The following KCNG4 variants were observed in gnomAD, a reference collection of about 807,000 sequenced individuals.
KCNG4 encodes voltage-gated potassium channel regulatory subunit KCNG4.
Under a neutral mutation model 28.2 loss-of-function variants are expected in KCNG4, and 30 were observed. That is an observed-to-expected ratio of 1.06 (90% CI 0.80 to 1.44). KCNG4 has a LOEUF of 1.44. Ranked by LOEUF, KCNG4 falls within the 40% of genes most tolerant of loss-of-function variation. The pLI is 0.00. For synonymous variants in KCNG4, 375 were observed against 315.5 expected, an observed-to-expected ratio of 1.19 and a Z score of -2.00; for missense variants, 879 against 712.3, an observed-to-expected ratio of 1.23 and a Z score of -2.66.
Position 84,222,129 on chromosome 16 carries a change from C to A in KCNG4, c.*88G>T. 1 of 1,347,450 alleles carries A rather than the reference C, an allele frequency of 7.4e-7. No homozygotes were observed. The allele number at this position is 1,347,450 out of a possible 1,614,324, so 83.5% of individuals were successfully genotyped here. A position where few individuals can be genotyped will look rare whatever the true frequency, so the allele number is the denominator to read the frequency against. On this transcript the variant is annotated 3_prime_UTR_variant, in exon 3 of 3. Transcript: ENST00000308251. ...AGTCTTCCCTGGGCTCTAGAAACAC[C>A]ACCAGGTGGTCTATGCGGGGTACCC...
chr16:84,237,236 G>A lies in KCNG4; in HGVS notation c.250C>T (p.Arg84Cys), dbSNP rs768004561. 22 of 1,613,926 alleles carry A rather than the reference G, an allele frequency of 1.4e-5. No homozygotes were observed. Among genetic ancestry groups the A allele is most frequent in the Non-Finnish European group, 1.4e-5 (16 of 1,180,016 alleles). The change falls in exon 2 of 3, where the codon CGC becomes TGC. Residue 84 changes from arginine (R) to cysteine (C), a missense_variant. By Grantham distance (180) the Arg-to-Cys change is radical. Transcript: ENST00000308251. Reference protein sequence around the residue: ...WSTLDRFPLSRLSKLRLCRSY... With the variant: ...WSTLDRFPLSCLSKLRLCRSY... ...CGACAGAGCCTGAGTTTGCTCAGGC[G>A]GCTCAGCGGGAACCGGTCCAGTGTG...
chr16:84,228,380 T>C (rs911361030), intron 2 of KCNG4, among the ~76,000 whole-genome samples: 4 of 151,146 alleles, frequency 2.6e-5, no homozygotes, highest in Admixed American at 6.6e-5. Context: ...CTGCTGTGAG[T>C]TCACCATTTG....
At chr16:84,231,281 G>A (rs1904821164) in intron 2 of KCNG4, among the ~76,000 whole-genome samples, 1 of 152,220 alleles carries the variant, frequency 6.6e-6, no homozygotes, top group Non-Finnish European at 1.5e-5. Context: ...GCCAGGGAGT[G>A]GGAGAGCTGG....
chr16:84,222,152 C>A lies in KCNG4; in HGVS notation c.*65G>T. The A allele has an allele frequency of 6.5e-7, 1 of 1,536,280 alleles. No homozygotes were observed. Among genetic ancestry groups the A allele is most frequent in the Admixed American group, 1.7e-5 (1 of 58,646 alleles). ...ACCACCAGGTGGTCTATGCGGGGTA[C>A]CCTTGAGTGTGTTTCAGGCAGGGTG... On this transcript the variant is annotated 3_prime_UTR_variant, in exon 3 of 3. Transcript: ENST00000308251.
At chr16:84,224,881 C>G (rs988209968) in intron 2 of KCNG4, among the ~76,000 whole-genome samples, 1 of 152,198 alleles carries the variant, frequency 6.6e-6, no homozygotes, top group Non-Finnish European at 1.5e-5. Context: ...TTCAAGCCCC[C>G]CAGAAACCAT....
Position 84,221,749 on chromosome 16 carries a change from G to A in KCNG4, c.*468C>T, listed in dbSNP as rs1483627418. 1 of 162,582 alleles carries A rather than the reference G, an allele frequency of 6.2e-6. No homozygotes were observed. The highest frequency in any genetic ancestry group is 1.4e-5 in the Non-Finnish European group (1 of 73,864). The allele number at this position is 162,582 out of a possible 1,614,324, so 10.1% of individuals were successfully genotyped here. A position where few individuals can be genotyped will look rare whatever the true frequency, so the allele number is the denominator to read the frequency against. On this transcript the variant is annotated 3_prime_UTR_variant, in exon 3 of 3. Coordinates refer to ENST00000308251, the MANE Select transcript of KCNG4 (RefSeq NM_172347.3). ...AACCCGTGGAAAGGTTGGGTGGGGA[G>A]ATCTGATTAGAGGGGTTTGCAGTGA...
intron 2 of KCNG4, chr16:84,236,267 T>C (rs1411962598): frequency 5.8e-6 from 1 of 173,556 alleles, no homozygotes; most frequent in African/African-American, 2.4e-5. Context: ...TTTTATGTTT[T>C]TGACCTGCTC....
Position 84,219,882 on chromosome 16 carries a change from A to G in KCNG4, c.*2335T>C, listed in dbSNP as rs1904516616. 1 of 152,040 alleles carries G rather than the reference A, an allele frequency of 6.6e-6. No individual in the cohort carries two copies. Among genetic ancestry groups the G allele is most frequent in the East Asian group, 1.9e-4 (1 of 5,140 alleles). 9.4% of individuals were successfully genotyped at this position (152,040 alleles called of 1,614,324 possible). On this transcript the variant is annotated 3_prime_UTR_variant, in exon 3 of 3. Coordinates refer to ENST00000308251, the MANE Select transcript of KCNG4 (RefSeq NM_172347.3). ...GTGAAACCTTGTCTCTACTAAAAAT[A>G]TCAAATTAGCTGAGCATTTGATCTC...
chr16:84,233,846 G>A (rs996676405), intron 2 of KCNG4, among the ~76,000 whole-genome samples: 5 of 151,984 alleles, frequency 3.3e-5, no homozygotes, highest in African/African-American at 7.3e-5. Context: ...ATAGGGGGTC[G>A]GATTTTAGAG....
intron 2 of KCNG4, among the ~76,000 whole-genome samples, chr16:84,230,764 G>T (rs1013187196): frequency 6.6e-6 from 1 of 152,190 alleles, no homozygotes; most frequent in Non-Finnish European, 1.5e-5. Context: ...TTGCCATAGG[G>T]TGTGCATGTC....
rs192963593 is a variant in KCNG4, at chr16:84,233,858, C to G, written c.756+2872G>C. 5.8e-4 allele frequency among the ~76,000 whole-genome samples: 87 copies of G among 148,734 alleles called. No homozygotes were observed. In the Middle Eastern group the frequency reaches 0.011, roughly 18 times the overall value. On this transcript the variant is annotated intron_variant, in intron 2 of 2. Coordinates refer to ENST00000308251, the MANE Select transcript of KCNG4 (RefSeq NM_172347.3). ...GTCATAGGGGGTCGGATTTTAGAGC[C>G]AATCAGAGGTGAGTTCAAATCTTAG...
rs39551 is a variant in KCNG4, at chr16:84,221,205, G to A, written c.*1012C>T. ...AATGTCTATCCTCCAGCATGGAGAT[G>A]ACTAGTCTGGGAAGCCAGCAAGGGA... On this transcript the variant is annotated 3_prime_UTR_variant, in exon 3 of 3. Coordinates refer to ENST00000308251, the MANE Select transcript of KCNG4 (RefSeq NM_172347.3). 0.72 allele frequency: 110,199 copies of A among 152,206 alleles called. 40,809 individuals carry two copies. The highest frequency in any genetic ancestry group is 0.89 in the African/African-American group (36,915 of 41,538). 9.4% of individuals were successfully genotyped at this position (152,206 alleles called of 1,614,324 possible).
At chr16:84,233,454 G>A (rs1385011770) in intron 2 of KCNG4, among the ~76,000 whole-genome samples, 1 of 152,188 alleles carries the variant, frequency 6.6e-6, no homozygotes, top group African/African-American at 2.4e-5. Context: ...TGTAATCCTG[G>A]CAGTTTGAGA....
At chr16:84,231,430 C>T (rs948483248) in intron 2 of KCNG4, among the ~76,000 whole-genome samples, 6 of 152,024 alleles carry the variant, frequency 3.9e-5, no homozygotes, top group African/African-American at 1.5e-4. Flanking sequence ...GTTCAGGCTG[C>T]CAGGAGGGAG....
chr16:84,232,529 G>T (rs551692933), intron 2 of KCNG4, among the ~76,000 whole-genome samples: 1 of 152,270 alleles, frequency 6.6e-6, no homozygotes, highest in South Asian at 2.1e-4. Flanking sequence ...GCAGAAGATT[G>T]TGATTGTACT....
rs752091714 is a variant in KCNG4 at position 84,221,873 on chromosome 16, CAGTT to C, written c.*340_*343del. On this transcript the variant is annotated 3_prime_UTR_variant, in exon 3 of 3. Transcript: ENST00000308251. ...TCAGTATGCAAATACCAATGGTTAC[CAGTT>C]CTATGGGCATCCAGAACCCAGCCTG... The C allele has an allele frequency of 1.9e-3, 517 of 278,436 alleles. 1 individual carries two copies. Among genetic ancestry groups the C allele is most frequent in the Non-Finnish European group, 2.7e-3 (400 of 146,954 alleles). 17.2% of individuals were successfully genotyped at this position (278,436 alleles called of 1,614,324 possible).
At chr16:84,238,494 C>T (rs1905030405) in intron 1 of KCNG4, among the ~76,000 whole-genome samples, 2 of 152,182 alleles carry the variant, frequency 1.3e-5, no homozygotes, top group Admixed American at 6.5e-5. Flanking sequence ...CCTCCATGTT[C>T]GTTGCGTGCT....
intron 1 of KCNG4, among the ~76,000 whole-genome samples, chr16:84,239,013 C>G (rs1217146304): frequency 6.6e-6 from 1 of 152,230 alleles, no homozygotes; most frequent in Non-Finnish European, 1.5e-5. Flanking sequence ...TTCTCACCTT[C>G]AGATCCTGCA....
At position 84,222,303 on chromosome 16, in the gene KCNG4, G is replaced by T; in HGVS notation, c.1474C>A (p.Pro492Thr). 2 of 1,614,184 alleles carry T rather than the reference G, an allele frequency of 1.2e-6. No homozygotes were observed. The highest frequency in any genetic ancestry group is 1.7e-6 in the Non-Finnish European group (2 of 1,180,024). Residue 492 changes from proline (P) to threonine (T), a missense_variant, in exon 3 of 3, where the codon CCC becomes ACC. Coordinates refer to ENST00000308251, the MANE Select transcript of KCNG4 (RefSeq NM_172347.3). ...GPASECELLD[P>T]HVASEHELMN... ...AGCTCATGTTCACTGGCCACATGGG[G>T]GTCCAGGAGTTCACATTCACTGGCT... is the stretch of plus-strand genomic sequence containing the variant.
Sources: gnomAD v4.1 joint callset for allele counts (sites outside exome capture counted in the v4.1 genomes callset) on GRCh38, gnomAD v4.1.1 for gene constraint, MANE v1.5 for transcripts, NCBI Gene and HGNC (gene_info 2026-07-23, HGNC 2026-07-21) for gene names.